Variants in CALCOCO2 observed in about 807,000 individuals in gnomAD.
The protein encoded by CALCOCO2 is calcium-binding and coiled-coil domain-containing protein 2.
In CALCOCO2, 42 loss-of-function variants were observed where a neutral mutation model predicts 62.5. That is an observed-to-expected ratio of 0.67 (90% confidence interval 0.53 to 0.87). CALCOCO2 has a LOEUF of 0.87. Ranked by LOEUF, CALCOCO2 falls within the 40% of genes least tolerant of loss-of-function variation. The probability of loss-of-function intolerance (pLI) is 0.00; values close to 1 mark genes in which losing one functional copy is unlikely to be tolerated. For synonymous variants in CALCOCO2, 167 were observed against 173.0 expected, an observed-to-expected ratio of 0.97 and a Z score of 0.27; for missense variants, 456 against 515.0, an observed-to-expected ratio of 0.89 and a Z score of 1.11.
chr17:48,859,045 C>CAAAAAAAAAAAA (rs61643790), intron 10 of CALCOCO2, among the ~76,000 whole-genome samples: 2 of 35,648 alleles, frequency 5.6e-5, no homozygotes, highest in Non-Finnish European at 9.4e-5. Context: ...GACTCTGTCT[C>CAAAAAAAAAAAA]AAAAAAAAAA....
In CALCOCO2 at chr17:48,863,058, C is replaced by T. The variant is rs767334646; in HGVS notation, c.*53C>T. The T allele has an allele frequency of 1.5e-6, 2 of 1,311,816 alleles. No homozygotes were observed. Among genetic ancestry groups the T allele is most frequent in the South Asian group, 2.4e-5 (2 of 84,188 alleles). 81.3% of individuals were successfully genotyped at this position (1,311,816 alleles called of 1,614,324 possible). A position where few individuals can be genotyped will look rare whatever the true frequency, so the allele number is the denominator to read the frequency against. ...AGATTTTATAGAATAGAACCTATAG[C>T]TTCTACCATGAGTTATATGAGTCAA... On this transcript the variant is annotated 3_prime_UTR_variant, in exon 13 of 13. Transcript: ENST00000258947.
intron 9 of CALCOCO2, among the ~76,000 whole-genome samples, chr17:48,854,387 TATATA>T (rs2040178382): frequency 1.6e-4 from 1 of 6,286 alleles, no homozygotes; most frequent in African/African-American, 2.3e-4. Flanking sequence ...TTTATTTATA[TATATA>T]TATATTTTTT....
rs2040233010 is a variant in CALCOCO2, at chr17:48,857,373, T to C, written c.1008+1186T>C. Among the ~76,000 whole-genome samples, 7 of 151,794 alleles carry C rather than the reference T, an allele frequency of 4.6e-5. No individual in the cohort carries two copies. The South Asian group carries it at 1.5e-3, about 32-fold the overall frequency. ...CCACCACGCCTGGCTAGTTTTGTATTTTTAGTAGAGACGGGGTTTCTCCAT... is the reference window on the plus strand; with the variant it reads ...CCACCACGCCTGGCTAGTTTTGTATCTTTAGTAGAGACGGGGTTTCTCCAT... On this transcript the variant is annotated intron_variant, in intron 10 of 12. Transcript: ENST00000258947.
chr17:48,832,338 G>GA (rs1474849099), intron 1 of CALCOCO2, among the ~76,000 whole-genome samples: 1 of 152,246 alleles, frequency 6.6e-6, no homozygotes. Context: ...AGGGTGCGGT[G>GA]AGCCGAGATG....
chr17:48,841,921 A>G (rs774988415), intron 2 of CALCOCO2, 34 bp downstream of exon 2: 2 of 1,477,256 alleles, frequency 1.4e-6, no homozygotes, highest in South Asian at 2.4e-5. Context: ...GTGATCAGGA[A>G]CTAGAGGTGA....
intron 7 of CALCOCO2, among the ~76,000 whole-genome samples, chr17:48,851,960 C>T (rs1433515765): frequency 6.6e-6 from 1 of 151,952 alleles, no homozygotes; most frequent in Non-Finnish European, 1.5e-5. Flanking sequence ...GGCAAAACCC[C>T]GTCTCTACTA....
intron 4 of CALCOCO2, 196 bp downstream of exon 4, chr17:48,848,651 C>G (rs577551980): frequency 2.5e-5 from 16 of 627,542 alleles, no homozygotes; most frequent in Non-Finnish European, 4.0e-5. Context: ...GTGGTTTCTT[C>G]TTTTCTAAAA....
intron 2 of CALCOCO2, among the ~76,000 whole-genome samples, chr17:48,845,391 G>C (rs1280343743): frequency 1.1e-4 from 15 of 133,954 alleles, no homozygotes; most frequent in Admixed American, 1.5e-4. Flanking sequence ...GTGTGTGTGT[G>C]TGTGTGTGTG....
intron 2 of CALCOCO2, among the ~76,000 whole-genome samples, chr17:48,846,985 C>T (rs2040061269): frequency 6.6e-6 from 1 of 152,044 alleles, no homozygotes; most frequent in Admixed American, 6.6e-5. Flanking sequence ...GAATATTTTC[C>T]ACTTAGCCAG....
rs1028709948 is a variant in CALCOCO2 at position 48,852,557 on chromosome 17, C to G, written c.754C>G (p.Gln252Glu). The G allele has an allele frequency of 1.2e-6, 2 of 1,612,990 alleles. No individual in the cohort carries two copies. The highest frequency in any genetic ancestry group is 1.3e-5 in the African/African-American group (1 of 74,986). The change falls in exon 8 of 13, where the codon CAA becomes GAA. Residue 252 changes from glutamine (Q) to glutamate (E), a missense_variant. This residue lies in a region of CALCOCO2 where 236 missense variants were observed against 225.3 expected (regional missense o/e 1.05). Transcript: ENST00000258947. The stretch of plus-strand genomic sequence containing the variant: ...AATGGAGAAGCTTGTTCAGGGAGAT[C>G]AAGATAAGACAGAGCAGTTAGAGCA... Reference protein sequence around the residue: ...KEMEKLVQGDQDKTEQLEQLK... With the variant: ...KEMEKLVQGDEDKTEQLEQLK...
At chr17:48,840,006 C>T (rs888448072) in intron 1 of CALCOCO2, among the ~76,000 whole-genome samples, 8 of 151,792 alleles carry the variant, frequency 5.3e-5, no homozygotes, top group Non-Finnish European at 1.2e-4. Flanking sequence ...TAGAGACAGT[C>T]TCACTATATT....
Position 48,841,683 on chromosome 17 carries a change from C to G in CALCOCO2, c.-10-15C>G, listed in dbSNP as rs1413316416. On this transcript the variant is annotated splice_polypyrimidine_tract_variant and intron_variant, in intron 1 of 12. Coordinates refer to ENST00000258947, the MANE Select transcript of CALCOCO2 (RefSeq NM_005831.5). ...ATGCTTTCTGAGCCTTACTCTGTTC[C>G]ACATTTCATAACAGGACCCCTACCA... The G allele has an allele frequency of 6.4e-7, 1 of 1,571,800 alleles. No individual in the cohort carries two copies. The highest frequency in any genetic ancestry group is 1.4e-5 in the African/African-American group (1 of 73,772).
intron 4 of CALCOCO2, 50 bp downstream of exon 4, chr17:48,848,505 T>C (rs2040083842): frequency 6.5e-7 from 1 of 1,546,536 alleles, no homozygotes; most frequent in Non-Finnish European, 8.9e-7. Context: ...CGGGTAGCAA[T>C]ATAGGATAGG....
intron 2 of CALCOCO2, among the ~76,000 whole-genome samples, chr17:48,844,523 T>C (rs2040019945): frequency 6.6e-6 from 1 of 151,660 alleles, no homozygotes; most frequent in Admixed American, 6.6e-5. Flanking sequence ...GGCGCGATCT[T>C]GGCTCACTGC....
At chr17:48,846,712 C>T (rs1043094821) in intron 2 of CALCOCO2, among the ~76,000 whole-genome samples, 32 of 152,172 alleles carry the variant, frequency 2.1e-4, no homozygotes, top group Non-Finnish European at 2.9e-5. Flanking sequence ...GACTCTAAAA[C>T]ATGCCCTAGG....
chr17:48,854,796 G>T (rs1292982364), intron 9 of CALCOCO2, among the ~76,000 whole-genome samples: 1 of 151,942 alleles, frequency 6.6e-6, no homozygotes, highest in Non-Finnish European at 1.5e-5. Context: ...ATCCTAAAAG[G>T]CCGCTAAATA....
intron 2 of CALCOCO2, chr17:48,846,321 AC>A: frequency 1.7e-6 from 1 of 598,480 alleles, no homozygotes; most frequent in South Asian, 2.1e-5. Context: ...TTTAATACAT[AC>A]AAATATGTTA....
intron 9 of CALCOCO2, 157 bp from the exon 10 acceptor site, chr17:48,855,935 A>G (rs1313790245): frequency 2.6e-6 from 1 of 385,074 alleles, no homozygotes; most frequent in Non-Finnish European, 4.7e-6. Flanking sequence ...AGTCACTTTA[A>G]TTTAGCACCC....
chr17:48,862,940 G>T lies in CALCOCO2; in HGVS notation c.1276G>T (p.Asp426Tyr). 6.2e-7 allele frequency: 1 copy of T among 1,613,788 alleles called. No homozygotes were observed. The highest frequency in any genetic ancestry group is 1.3e-5 in the African/African-American group (1 of 75,044). ...CCTTTGTTTCAATTGTCCAATTTGTGACAAGATCTTCCCAGCTACAGAGAA... is the reference window on the plus strand; with the variant it reads ...CCTTTGTTTCAATTGTCCAATTTGTTACAAGATCTTCCCAGCTACAGAGAA... ...QPLCFNCPIC[D>Y]KIFPATEKQI... The change falls in exon 13 of 13, where the codon GAC becomes TAC. Residue 426 changes from aspartate to tyrosine, a missense_variant. Coordinates refer to ENST00000258947, the MANE Select transcript of CALCOCO2 (RefSeq NM_005831.5).
Sources: allele counts gnomAD v4.1 joint callset (sites outside exome capture counted in the v4.1 genomes callset), GRCh38; gene constraint gnomAD v4.1.1; regional missense constraint gnomAD v4.1.1; transcripts MANE v1.5; gene names NCBI Gene and HGNC (gene_info 2026-07-23, HGNC 2026-07-21).